The following RELN variants were observed in gnomAD, a reference collection of about 807,000 sequenced individuals.
RELN encodes reelin.
In RELN, 108 loss-of-function variants were observed where a neutral mutation model predicts 427.6. The ratio of observed to expected loss-of-function variants is 0.25; its 90% CI spans 0.22 to 0.30. The LOEUF (loss-of-function observed/expected upper bound fraction) is 0.30. Among genes scored for constraint, RELN ranks in the 10% least tolerant of loss-of-function variants. The probability of loss-of-function intolerance (pLI) is 1.00; values close to 1 mark genes in which losing one functional copy is unlikely to be tolerated. For missense variants in RELN, 3,715 were observed against 4,302.8 expected, an observed-to-expected ratio of 0.86 and a Z score of 3.82; for synonymous variants, 1,524 against 1,513.4, an observed-to-expected ratio of 1.01 and a Z score of -0.16.
At chr7:103,983,248 T>C (rs977372853) in intron 1 of RELN, among the ~76,000 whole-genome samples, 5 of 152,090 alleles carry the variant, frequency 3.3e-5, no homozygotes, top group Non-Finnish European at 7.3e-5. Flanking sequence ...TTAGAGAGGA[T>C]AGAATAAAAA....
At chr7:103,691,909 A>G (rs939858635) in intron 10 of RELN, among the ~76,000 whole-genome samples, 1 of 152,142 alleles carries the variant, frequency 6.6e-6, no homozygotes, top group Non-Finnish European at 1.5e-5. Context: ...ATATTTTCTT[A>G]TTTCGTCATG....
chr7:103,805,610 G>C (rs1394657758), intron 3 of RELN, among the ~76,000 whole-genome samples: 1 of 152,180 alleles, frequency 6.6e-6, no homozygotes, highest in African/African-American at 2.4e-5. Context: ...TAACTGGATT[G>C]TAATCTGAAG....
At chr7:103,739,904 G>C (rs1188732304) in intron 6 of RELN, among the ~76,000 whole-genome samples, 2 of 152,186 alleles carry the variant, frequency 1.3e-5, no homozygotes, top group Non-Finnish European at 2.9e-5. Flanking sequence ...GGGAACAGCA[G>C]AACAGTCTCC....
At chr7:103,574,916 A>C (rs2117206863) in intron 29 of RELN, among the ~76,000 whole-genome samples, 3 of 152,346 alleles carry the variant, frequency 2.0e-5, no homozygotes, top group African/African-American at 7.2e-5. Context: ...TCCAAAGGTC[A>C]CTGTGCTCAG....
intron 4 of RELN, among the ~76,000 whole-genome samples, chr7:103,773,131 TC>T (rs1791620617): frequency 2.1e-5 from 2 of 96,252 alleles, no homozygotes; most frequent in Admixed American, 2.3e-4. Flanking sequence ...TTTCTTTCTT[TC>T]TTTCTTTCTT....
chr7:103,958,417 G>A (rs1351922642), intron 1 of RELN, among the ~76,000 whole-genome samples: 2 of 152,176 alleles, frequency 1.3e-5, no homozygotes, highest in Non-Finnish European at 2.9e-5. Flanking sequence ...GAGTCCATGT[G>A]TACTGTGGTG....
chr7:103,976,408 C>T (rs1421715600), intron 1 of RELN, among the ~76,000 whole-genome samples: 1 of 152,118 alleles, frequency 6.6e-6, no homozygotes, highest in Non-Finnish European at 1.5e-5. Flanking sequence ...AGCGTTAACA[C>T]AAAGACAGTT....
In RELN at chr7:103,572,246, T is replaced by C. The variant is rs746713778; in HGVS notation, c.4526A>G (p.Tyr1509Cys). ...TGAAGTTTTGCTTCCAATTTGTATA[T>C]AAAATTGAACAAGTCTGGGGAATAA... ...DTRNIRLVQF[Y>C]IQIGSKTSGI... Residue 1509 changes from tyrosine to cysteine, a missense_variant, in exon 31 of 65, where the codon TAT becomes TGT. Tyr to Cys is a radical substitution (Grantham distance 194, BLOSUM62 -2). This residue lies in a region of RELN where 2,208 missense variants were observed against 2,361.7 expected (regional missense o/e 0.93). Transcript: ENST00000428762. 1 of 1,574,372 alleles carries C rather than the reference T, an allele frequency of 6.4e-7. No individual in the cohort carries two copies. The highest frequency in any genetic ancestry group is 1.1e-5 in the South Asian group (1 of 90,268).
chr7:103,478,473 A>G, intron 63 of RELN, 79 bp from the exon 64 acceptor site: 1 of 715,506 alleles, frequency 1.4e-6, no homozygotes, highest in Non-Finnish European at 2.6e-6. Context: ...CAGCACTGTG[A>G]TTAGTCATAA....
intron 7 of RELN, 139 bp downstream of exon 7, chr7:103,727,972 T>C: frequency 1.3e-6 from 1 of 787,130 alleles, no homozygotes; most frequent in Non-Finnish European, 2.1e-6. Context: ...CCCCTCCCAA[T>C]TTTAAGATAT....
intron 10 of RELN, among the ~76,000 whole-genome samples, chr7:103,694,597 G>T (rs140771790): frequency 5.3e-5 from 8 of 152,102 alleles, no homozygotes; most frequent in African/African-American, 1.9e-4. Context: ...TTATTACTTG[G>T]TCAAAGTTAA....
At chr7:103,635,169 T>C (rs1048551332) in intron 19 of RELN, among the ~76,000 whole-genome samples, 1 of 152,154 alleles carries the variant, frequency 6.6e-6, no homozygotes, top group Admixed American at 6.6e-5. Context: ...TACTTTTCTC[T>C]TGATGCTTAT....
intron 10 of RELN, among the ~76,000 whole-genome samples, chr7:103,691,794 C>T (rs1833876141): frequency 6.6e-6 from 1 of 152,012 alleles, no homozygotes; most frequent in Non-Finnish European, 1.5e-5. Context: ...GTCTGGGCAA[C>T]ACAGCAAGAC....
intron 2 of RELN, among the ~76,000 whole-genome samples, chr7:103,870,271 G>A (rs1200897280): frequency 6.6e-6 from 1 of 151,708 alleles, no homozygotes; most frequent in Non-Finnish European, 1.5e-5. Flanking sequence ...CTTTTTTCTT[G>A]ATGATGGCTC....
intron 11 of RELN, among the ~76,000 whole-genome samples, chr7:103,667,111 T>C (rs1246296306): frequency 2.6e-5 from 4 of 152,230 alleles, no homozygotes. Flanking sequence ...AAAATTATCA[T>C]ACTTGATCCA....
intron 2 of RELN, among the ~76,000 whole-genome samples, chr7:103,864,562 T>C (rs1261238600): frequency 6.6e-6 from 1 of 152,178 alleles, no homozygotes; most frequent in African/African-American, 2.4e-5. Flanking sequence ...CTTCTGTGAC[T>C]GGTTCATTTC....
chr7:103,860,792 C>G (rs1043122024), intron 2 of RELN, among the ~76,000 whole-genome samples: 7 of 152,144 alleles, frequency 4.6e-5, no homozygotes, highest in African/African-American at 1.7e-4. Context: ...TCATCATCAT[C>G]ATCATCATTA....
At chr7:103,553,313 AGAGAAAATTAT>A (rs1830452475) in intron 40 of RELN, 137 bp downstream of exon 40, 2 of 656,534 alleles carry the variant, frequency 3.0e-6, no homozygotes, top group South Asian at 3.7e-5. Context: ...TCTGTTAATA[AGAGAAAATTAT>A]GATGCCAAAA....
intron 4 of RELN, 122 bp from the exon 5 acceptor site, chr7:103,753,336 C>T: frequency 2.3e-6 from 2 of 866,124 alleles, no homozygotes; most frequent in Non-Finnish European, 3.8e-6. Context: ...TGGCTACAGA[C>T]TTTTTAGTCT....
Sources: gnomAD v4.1 joint callset for allele counts (sites outside exome capture counted in the v4.1 genomes callset) on GRCh38, gnomAD v4.1.1 for gene constraint, gnomAD v4.1.1 regional missense constraint, MANE v1.5 for transcripts, NCBI Gene and HGNC (gene_info 2026-07-23, HGNC 2026-07-21) for gene names.